Variants in MAP7 observed in about 807,000 individuals in gnomAD.
MAP7 encodes ensconsin.
A neutral mutation model predicts 94.8 loss-of-function variants in MAP7; 52 were observed. That is an observed-to-expected ratio of 0.55 (90% CI 0.44 to 0.69). The LOEUF (loss-of-function observed/expected upper bound fraction) is 0.69. MAP7 is among the 30% of genes least tolerant of loss of function. The probability of loss-of-function intolerance (pLI) is 0.00; values close to 1 mark genes in which losing one functional copy is unlikely to be tolerated. For missense variants in MAP7, 940 were observed against 964.6 expected (o/e 0.97, Z 0.34); for synonymous variants, 350 against 357.0 (o/e 0.98, Z 0.22).
At chr6:136,434,129 A>G (rs1795702288) in intron 1 of MAP7, among the ~76,000 whole-genome samples, 1 of 152,038 alleles carries the variant, frequency 6.6e-6, no homozygotes, top group African/African-American at 2.4e-5. Context: ...AACATGGTGA[A>G]ACCCCGTCTC....
intron 3 of MAP7, among the ~76,000 whole-genome samples, chr6:136,389,890 G>T (rs2128664076): frequency 6.6e-6 from 1 of 152,158 alleles, no homozygotes; most frequent in South Asian, 2.1e-4. Context: ...ATATCCTCCA[G>T]TCTATGACTA....
chr6:136,418,322 C>G (rs562742593), intron 2 of MAP7, among the ~76,000 whole-genome samples: 2 of 152,142 alleles, frequency 1.3e-5, no homozygotes, highest in African/African-American at 4.8e-5. Context: ...TCAAGTGATT[C>G]TCCTGCCTCA....
chr6:136,353,910 C>T lies in MAP7; in HGVS notation c.2015+2782G>A, dbSNP rs546276977. 4.3e-4 allele frequency among the ~76,000 whole-genome samples: 65 copies of T among 152,058 alleles called. 1 individual carries two copies. The highest frequency in any genetic ancestry group is 1.9e-3 in the South Asian group (9 of 4,816). On this transcript the variant is annotated intron_variant, in intron 16 of 17. Transcript: ENST00000354570. The stretch of plus-strand genomic sequence containing the variant: ...GGTGGCTACTGCAAACATCCAGGGA[C>T]TTGGTCAGTGGGGGTGCCCTAGAAA...
At chr6:136,544,594 C>T (rs1167100439) in intron 1 of MAP7, among the ~76,000 whole-genome samples, 1 of 152,176 alleles carries the variant, frequency 6.6e-6, no homozygotes, top group African/African-American at 2.4e-5. Flanking sequence ...GGTCGTCTCA[C>T]CCCTTTGTGG....
intron 1 of MAP7, among the ~76,000 whole-genome samples, chr6:136,493,365 C>T (rs1286694250): frequency 6.6e-6 from 1 of 152,054 alleles, no homozygotes; most frequent in African/African-American, 2.4e-5. Flanking sequence ...TCAGGTGATC[C>T]GCCCACCTTG....
At chr6:136,476,811 A>G (rs1219911858) in intron 1 of MAP7, among the ~76,000 whole-genome samples, 4 of 152,232 alleles carry the variant, frequency 2.6e-5, no homozygotes, top group African/African-American at 9.6e-5. Flanking sequence ...CAATTTGAGC[A>G]TCAAAATATG....
At chr6:136,544,998 C>T (rs1007225498) in intron 1 of MAP7, among the ~76,000 whole-genome samples, 1 of 152,194 alleles carries the variant, frequency 6.6e-6, no homozygotes, top group Non-Finnish European at 1.5e-5. Context: ...ATGAGCCAAA[C>T]TCAAACTTGG....
intron 1 of MAP7, among the ~76,000 whole-genome samples, chr6:136,455,396 T>G (rs1351620346): frequency 6.6e-6 from 1 of 152,106 alleles, no homozygotes; most frequent in Non-Finnish European, 1.5e-5. Flanking sequence ...GGAGGAAATC[T>G]GAATTCCCCA....
In MAP7 at chr6:136,358,504, A is replaced by C. The variant is rs1582658552; in HGVS notation, c.1912+1316T>G. Among the ~76,000 whole-genome samples the C allele has an allele frequency of 2.0e-5, 3 of 152,244 alleles. No individual in the cohort carries two copies. The South Asian group carries it at 6.2e-4, about 32-fold the overall frequency. ...ATACATACATTAGAGCATCTTTAAA[A>C]GAGCATGAAAACTCCACTATAAAGG... On this transcript the variant is annotated intron_variant, in intron 15 of 17. Transcript: ENST00000354570.
At chr6:136,406,729 G>A (rs1021385275) in intron 3 of MAP7, among the ~76,000 whole-genome samples, 2 of 152,168 alleles carry the variant, frequency 1.3e-5, no homozygotes, top group East Asian at 1.9e-4. Context: ...GCTGAGGCAC[G>A]AGAATTGCTT....
chr6:136,399,141 G>A (rs1045383215), intron 3 of MAP7, among the ~76,000 whole-genome samples: 7 of 152,174 alleles, frequency 4.6e-5, no homozygotes, highest in African/African-American at 1.7e-4. Flanking sequence ...GTCAGAAAGT[G>A]AAAAGTGATG....
chr6:136,363,964 A>C lies in MAP7; in HGVS notation c.1274-1262T>G, dbSNP rs540524007. 2.6e-5 allele frequency among the ~76,000 whole-genome samples: 4 copies of C among 152,364 alleles called. No homozygotes were observed. The South Asian group carries it at 8.3e-4, about 32-fold the overall frequency. On this transcript the variant is annotated intron_variant, in intron 10 of 17. Coordinates refer to ENST00000354570, the MANE Select transcript of MAP7 (RefSeq NM_003980.6). ...AAAAACCAAGGGTCTGTATGTCAAA[A>C]CATTATAGATGTGGTGGTTTAAAAA...
intron 1 of MAP7, among the ~76,000 whole-genome samples, chr6:136,444,678 G>A (rs1798812367): frequency 6.6e-6 from 1 of 152,086 alleles, no homozygotes; most frequent in Admixed American, 6.6e-5. Context: ...AGAACAGGGA[G>A]GTAAATATTC....
intron 1 of MAP7, among the ~76,000 whole-genome samples, chr6:136,435,033 T>C (rs1019919444): frequency 6.6e-6 from 1 of 152,252 alleles, no homozygotes; most frequent in African/African-American, 2.4e-5. Context: ...TTGGGGGTCA[T>C]GAAGAGCTCA....
chr6:136,393,798 ATTTTTTTTT>A (rs61666828), intron 3 of MAP7, among the ~76,000 whole-genome samples: 11 of 84,438 alleles, frequency 1.3e-4, no homozygotes, highest in African/African-American at 1.8e-4. Flanking sequence ...ATTCAGCAAA[ATTTTTTTTT>A]TTTTTTTTTT....
At position 136,362,722 on chromosome 6, in the gene MAP7, G is replaced by C. The variant is rs199669805; in HGVS notation, c.1274-20C>G. The C allele has an allele frequency of 2.6e-6, 4 of 1,535,896 alleles. No individual in the cohort carries two copies. Among genetic ancestry groups the C allele is most frequent in the Non-Finnish European group, 2.6e-6 (3 of 1,148,106 alleles). ...GAGCAGCTGCACAAATAGGTACAAG[G>C]AGAAAACCAGTTGGAAACAAAATCC... On this transcript the variant is annotated intron_variant, in intron 10 of 17. Transcript: ENST00000354570.
chr6:136,544,304 T>G (rs1237071111), intron 1 of MAP7, among the ~76,000 whole-genome samples: 1 of 152,154 alleles, frequency 6.6e-6, no homozygotes, highest in African/African-American at 2.4e-5. Flanking sequence ...CCAGCAAGCT[T>G]TATGGGAGGG....
chr6:136,478,303 C>T (rs1811573037), intron 1 of MAP7, among the ~76,000 whole-genome samples: 2 of 152,016 alleles, frequency 1.3e-5, no homozygotes, highest in South Asian at 4.1e-4. Flanking sequence ...ATAAAATTGG[C>T]CAGGTGTGGT....
chr6:136,411,538 A>C (rs1787451349), intron 3 of MAP7, 82 bp downstream of exon 3: 1 of 1,190,090 alleles, frequency 8.4e-7, no homozygotes, highest in Admixed American at 2.5e-5. Context: ...CCATCTGTAA[A>C]ATTCATAAAG....
Sources: allele counts gnomAD v4.1 joint callset (sites outside exome capture counted in the v4.1 genomes callset), GRCh38; gene constraint gnomAD v4.1.1; transcripts MANE v1.5; gene names NCBI Gene and HGNC (gene_info 2026-07-23, HGNC 2026-07-21).